GBE1: variants seen among roughly 807,000 people sequenced by gnomAD.
GBE1 encodes the protein 1,4-alpha-glucan-branching enzyme.
Under a neutral mutation model 88.8 loss-of-function variants are expected in GBE1, and 70 were observed. The observed-to-expected ratio is 0.79, with a 90% CI of 0.65 to 0.96. GBE1 has a LOEUF of 0.96. GBE1 is among the 40% of genes least tolerant of loss of function. The pLI, the probability that GBE1 is intolerant of heterozygous loss-of-function variation, is 0.00. For missense variants in GBE1, 872 were observed against 871.0 expected, an observed-to-expected ratio of 1.00 and a Z score of -0.01; for synonymous variants, 284 against 300.1, an observed-to-expected ratio of 0.95 and a Z score of 0.56.
At chr3:81,631,274 G>A (rs1345132648) in intron 7 of GBE1, among the ~76,000 whole-genome samples, 3 of 152,116 alleles carry the variant, frequency 2.0e-5, no homozygotes, top group Non-Finnish European at 4.4e-5. Context: ...TTCAATAACT[G>A]ATTAGTAATA....
chr3:81,716,363 TAA>T (rs1165606732), intron 1 of GBE1, among the ~76,000 whole-genome samples: 1 of 152,272 alleles, frequency 6.6e-6, no homozygotes, highest in African/African-American at 2.4e-5. Context: ...TGCTACTATT[TAA>T]AAGAGTGTCC....
chr3:81,503,709 CGTAA>C (rs1702619583), intron 14 of GBE1, among the ~76,000 whole-genome samples: 1 of 152,066 alleles, frequency 6.6e-6, no homozygotes, highest in Non-Finnish European at 1.5e-5. Flanking sequence ...GGGAGGTGCG[CGTAA>C]GTCAAATGTA....
At chr3:81,586,849 C>A (rs1378558433) in intron 9 of GBE1, among the ~76,000 whole-genome samples, 2 of 151,536 alleles carry the variant, frequency 1.3e-5, no homozygotes, top group Non-Finnish European at 2.9e-5. Context: ...TTTACAGTGG[C>A]ATGATATCAG....
chr3:81,511,830 C>T (rs183411503), intron 14 of GBE1, among the ~76,000 whole-genome samples: 4 of 150,474 alleles, frequency 2.7e-5, no homozygotes, highest in East Asian at 2.0e-4. Flanking sequence ...ATCTCACTAC[C>T]GGCTACATAT....
Position 81,490,403 on chromosome 3 carries a change from C to T in GBE1, c.*4G>A, listed in dbSNP as rs1702421194. The T allele has an allele frequency of 6.2e-7, 1 of 1,611,692 alleles. No homozygotes were observed. The highest frequency in any genetic ancestry group is 8.5e-7 in the Non-Finnish European group (1 of 1,178,070). On this transcript the variant is annotated 3_prime_UTR_variant, in exon 16 of 16. Transcript: ENST00000429644. ...GCATCTGGTGGAGCTGAAATCAGGC[C>T]TCTTCAATTCGGCAGATCCACATTC...
chr3:81,725,853 A>T (rs1706105103), intron 1 of GBE1, among the ~76,000 whole-genome samples: 2 of 152,194 alleles, frequency 1.3e-5, no homozygotes, highest in Admixed American at 6.5e-5. Flanking sequence ...CATATAGAAG[A>T]TTCTAAGCAA....
At chr3:81,562,451 C>T (rs776482452) in intron 12 of GBE1, among the ~76,000 whole-genome samples, 6 of 152,042 alleles carry the variant, frequency 3.9e-5, no homozygotes, top group Admixed American at 6.6e-5. Context: ...GCAGAGCCTA[C>T]ATTTTGGAGA....
intron 14 of GBE1, 72 bp downstream of exon 14, chr3:81,535,117 CTTTTTT>C: frequency 9.8e-7 from 1 of 1,025,576 alleles, no homozygotes; most frequent in East Asian, 3.2e-5. Flanking sequence ...CAACCTTAGT[CTTTTTT>C]TTTTTTTTGT....
At chr3:81,709,589 T>G (rs530736134) in intron 1 of GBE1, among the ~76,000 whole-genome samples, 2 of 152,202 alleles carry the variant, frequency 1.3e-5, no homozygotes, top group Non-Finnish European at 2.9e-5. Flanking sequence ...TATCATACCT[T>G]ATGATAAATT....
At chr3:81,700,852 T>A (rs1308972036) in intron 2 of GBE1, among the ~76,000 whole-genome samples, 1 of 152,150 alleles carries the variant, frequency 6.6e-6, no homozygotes, top group African/African-American at 2.4e-5. Flanking sequence ...GTGATAGACA[T>A]TTAGGTTATT....
intron 1 of GBE1, among the ~76,000 whole-genome samples, chr3:81,758,414 C>T (rs1487546561): frequency 6.6e-6 from 1 of 152,222 alleles, no homozygotes; most frequent in Non-Finnish European, 1.5e-5. Flanking sequence ...CACTGCTAGG[C>T]AAAAGCTGTA....
At chr3:81,654,365 T>C (rs995143184) in intron 3 of GBE1, among the ~76,000 whole-genome samples, 1 of 152,092 alleles carries the variant, frequency 6.6e-6, no homozygotes, top group Non-Finnish European at 1.5e-5. Flanking sequence ...GGAATATATT[T>C]TAAAGTGCTT....
chr3:81,565,087 T>C (rs568357922), intron 12 of GBE1, among the ~76,000 whole-genome samples: 1 of 152,298 alleles, frequency 6.6e-6, no homozygotes, highest in Admixed American at 6.5e-5. Context: ...AACAGTGTGC[T>C]GTGAATCAAA....
chr3:81,708,681 G>A (rs989092112), intron 1 of GBE1, among the ~76,000 whole-genome samples: 57 of 152,078 alleles, frequency 3.7e-4, no homozygotes, highest in African/African-American at 1.3e-3. Flanking sequence ...ATCACACAAA[G>A]ATGCAAAGAC....
At chr3:81,647,604 T>G (rs1704784334) in intron 5 of GBE1, among the ~76,000 whole-genome samples, 2 of 152,196 alleles carry the variant, frequency 1.3e-5, no homozygotes, top group South Asian at 4.1e-4. Flanking sequence ...TTCATTACTT[T>G]GGAAGTTACA....
intron 1 of GBE1, among the ~76,000 whole-genome samples, chr3:81,720,362 GTA>G (rs568157813): frequency 5.8e-4 from 83 of 143,232 alleles, no homozygotes; most frequent in Non-Finnish European, 6.2e-4. Context: ...GTGTGTGTGT[GTA>G]TATATATATA....
intron 7 of GBE1, among the ~76,000 whole-genome samples, chr3:81,640,978 G>A (rs1704669967): frequency 6.6e-6 from 1 of 152,054 alleles, no homozygotes; most frequent in African/African-American, 2.4e-5. Context: ...CTCAATTTCT[G>A]TGATAGAAAT....
rs774073313 is a variant in GBE1, at chr3:81,531,774, TACA to T, written c.1934+3418_1934+3420del. On this transcript the variant is annotated intron_variant, in intron 14 of 15. Coordinates refer to ENST00000429644, the MANE Select transcript of GBE1 (RefSeq NM_000158.4). ...CCATGTCCACTGGCTCTAAGCCCAG[TACA>T]ACACCAGGACTTGCTTAGGAACTGC... Among the ~76,000 whole-genome samples the T allele has an allele frequency of 4.6e-5, 7 of 152,186 alleles. No homozygotes were observed. The South Asian group carries it at 6.2e-4, about 14-fold the overall frequency.
chr3:81,747,236 GA>G (rs1225055054), intron 1 of GBE1, among the ~76,000 whole-genome samples: 24 of 152,084 alleles, frequency 1.6e-4, no homozygotes, highest in African/African-American at 4.8e-4. Flanking sequence ...TGAAAAAATT[GA>G]AATTTTTAAC....
Sources: gnomAD v4.1 joint callset for allele counts (sites outside exome capture counted in the v4.1 genomes callset) on GRCh38, gnomAD v4.1.1 for gene constraint, MANE v1.5 for transcripts, NCBI Gene and HGNC (gene_info 2026-07-23, HGNC 2026-07-21) for gene names.